The following GABRA4 variants were observed in gnomAD, a reference collection of about 807,000 sequenced individuals.
GABRA4 encodes the protein gamma-aminobutyric acid receptor subunit alpha-4.
GABRA4 carries 12 observed loss-of-function variants against 49.7 expected under a neutral mutation model. The observed-to-expected ratio is 0.24, with a 90% CI of 0.15 to 0.39. GABRA4 has a LOEUF of 0.39. Among genes scored for constraint, GABRA4 ranks in the 10% least tolerant of loss-of-function variants. GABRA4 has a pLI of 1.00. For synonymous variants in GABRA4, 288 were observed against 240.2 expected (o/e 1.20, Z -1.84); for missense variants, 506 against 686.0 (o/e 0.74, Z 2.93).
chr4:46,943,395 CT>C (rs1721881745), intron 8 of GABRA4, among the ~76,000 whole-genome samples: 1 of 152,104 alleles, frequency 6.6e-6, no homozygotes, highest in Non-Finnish European at 1.5e-5. Context: ...CATTTTTCAC[CT>C]GGCTATTGCA....
chr4:46,952,007 G>A (rs1440038662), intron 8 of GABRA4, among the ~76,000 whole-genome samples: 1 of 151,948 alleles, frequency 6.6e-6, no homozygotes, highest in Non-Finnish European at 1.5e-5. Flanking sequence ...GCAATTAAAA[G>A]TATTTATTTT....
chr4:46,940,174 C>G (rs768979647), intron 8 of GABRA4, among the ~76,000 whole-genome samples: 5 of 152,040 alleles, frequency 3.3e-5, no homozygotes, highest in Non-Finnish European at 7.4e-5. Context: ...TATTCCCTAT[C>G]TTTCTTCCAC....
intron 7 of GABRA4, 57 bp downstream of exon 7, chr4:46,971,026 G>A: frequency 6.7e-7 from 1 of 1,501,562 alleles, no homozygotes; most frequent in Non-Finnish European, 9.1e-7. Flanking sequence ...AATATCCCAT[G>A]AATCATGAAT....
chr4:46,972,258 T>G (rs1482654510), intron 6 of GABRA4, among the ~76,000 whole-genome samples: 1 of 151,554 alleles, frequency 6.6e-6, no homozygotes, highest in Non-Finnish European at 1.5e-5. Context: ...TAATGGAAAT[T>G]TAGGAGAGAG....
rs1721144165 is a variant in GABRA4 at position 46,924,584 on chromosome 4, A to G, written c.*3641T>C. On this transcript the variant is annotated 3_prime_UTR_variant, in exon 9 of 9. Coordinates refer to ENST00000264318, the MANE Select transcript of GABRA4 (RefSeq NM_000809.4). ...AAATCCCAGAAAAGAGAAATAGCCAATATTCTACTGTCTTTAAAGAATACA... is the reference window on the plus strand; with the variant it reads ...AAATCCCAGAAAAGAGAAATAGCCAGTATTCTACTGTCTTTAAAGAATACA... 6.6e-6 allele frequency: 1 copy of G among 152,116 alleles called. No individual in the cohort carries two copies. The highest frequency in any genetic ancestry group is 2.4e-5 in the African/African-American group (1 of 41,462). 9.4% of individuals were successfully genotyped at this position (152,116 alleles called of 1,614,324 possible).
At chr4:46,970,414 A>G (rs1231933005) in intron 7 of GABRA4, among the ~76,000 whole-genome samples, 2 of 151,528 alleles carry the variant, frequency 1.3e-5, no homozygotes, top group African/African-American at 4.8e-5. Flanking sequence ...AATTATAACA[A>G]ATTATACTAT....
chr4:46,934,676 C>T (rs1721548007), intron 8 of GABRA4, among the ~76,000 whole-genome samples: 1 of 151,966 alleles, frequency 6.6e-6, no homozygotes, highest in South Asian at 2.1e-4. Flanking sequence ...ATTCATTTTC[C>T]CTTTATATAT....
intron 8 of GABRA4, among the ~76,000 whole-genome samples, chr4:46,938,181 G>A (rs896445391): frequency 6.6e-6 from 1 of 152,022 alleles, no homozygotes; most frequent in Non-Finnish European, 1.5e-5. Context: ...CACCTTTACA[G>A]CATCCACATT....
chr4:46,988,745 A>G (rs1287055942), intron 2 of GABRA4, among the ~76,000 whole-genome samples: 1 of 152,228 alleles, frequency 6.6e-6, no homozygotes, highest in Non-Finnish European at 1.5e-5. Context: ...TTAACTTAGT[A>G]GCAAGAAGGT....
Position 46,971,156 on chromosome 4 carries a change from G to A in GABRA4, c.801C>T (p.Cys267=). 1.9e-6 allele frequency: 3 copies of A among 1,608,976 alleles called. No homozygotes were observed. The highest frequency in any genetic ancestry group is 2.6e-6 in the Non-Finnish European group (3 of 1,176,410). The stretch of plus-strand genomic sequence containing the variant: ...CTTGAGAAAGAATCACTGTCATAAT[G>A]CACGGAATATAGGTCTGAATCATAA... ...GYFMIQTYIP[C]IMTVILSQVS... is the part of the protein sequence containing the mutation. Residue 267 remains cysteine (C), a synonymous_variant, in exon 7 of 9, where the codon TGC becomes TGT. Coordinates refer to ENST00000264318, the MANE Select transcript of GABRA4 (RefSeq NM_000809.4).
intron 5 of GABRA4, among the ~76,000 whole-genome samples, chr4:46,975,755 A>G (rs923588098): frequency 6.6e-6 from 1 of 151,926 alleles, no homozygotes. Context: ...CTTCCTCTAC[A>G]TGAGAACTAA....
rs535642773 is a variant in GABRA4, at chr4:46,937,470, C to T, written c.1135-8715G>A. Among the ~76,000 whole-genome samples the T allele has an allele frequency of 1.3e-3, 192 of 152,302 alleles. 3 individuals are homozygous for T. Among genetic ancestry groups the T allele is most frequent in the Admixed American group, 0.012 (189 of 15,278 alleles). ...AAAAAAACCACCTCAACGTATCACTCTTTCTTCTTTCAGGTATTTTCTTTG... is the reference window on the plus strand; with the variant it reads ...AAAAAAACCACCTCAACGTATCACTTTTTCTTCTTTCAGGTATTTTCTTTG... On this transcript the variant is annotated intron_variant, in intron 8 of 8. Coordinates refer to ENST00000264318, the MANE Select transcript of GABRA4 (RefSeq NM_000809.4).
At chr4:46,965,602 C>T (rs547595646) in intron 7 of GABRA4, among the ~76,000 whole-genome samples, 3 of 151,718 alleles carry the variant, frequency 2.0e-5, no homozygotes, top group African/African-American at 7.3e-5. Flanking sequence ...ACACACCCAA[C>T]GGACTCAACA....
chr4:46,987,738 G>T (rs1367275355), intron 2 of GABRA4, among the ~76,000 whole-genome samples: 10 of 152,002 alleles, frequency 6.6e-5, no homozygotes, highest in Non-Finnish European at 2.9e-5. Flanking sequence ...GAGAACTAAA[G>T]CTGAAGTAAC....
At chr4:46,971,277 G>T in intron 6 of GABRA4, 42 bp from the exon 7 acceptor site, 1 of 1,582,242 alleles carries the variant, frequency 6.3e-7, no homozygotes, top group South Asian at 1.1e-5. Context: ...CGGTTCTGCA[G>T]GCAATTAGTC....
At position 46,924,863 on chromosome 4, in the gene GABRA4, C is replaced by T. The variant is rs542543943; in HGVS notation, c.*3362G>A. On this transcript the variant is annotated 3_prime_UTR_variant, in exon 9 of 9. Coordinates refer to ENST00000264318, the MANE Select transcript of GABRA4 (RefSeq NM_000809.4). Reference sequence around the variant, plus strand: ...TCTTAGATATTACATAATCCACCTCCTCCCTGTTATAAATGAGGAATCAGT... The same window carrying T: ...TCTTAGATATTACATAATCCACCTCTTCCCTGTTATAAATGAGGAATCAGT... 3.9e-5 allele frequency: 6 copies of T among 152,078 alleles called. No homozygotes were observed. In the East Asian group the frequency reaches 1.2e-3, roughly 29 times the overall value. The allele number at this position is 152,078 out of a possible 1,614,324, so 9.4% of individuals were successfully genotyped here. A position where few individuals can be genotyped will look rare whatever the true frequency, so the allele number is the denominator to read the frequency against.
rs574991518 is a variant in GABRA4 at position 46,957,789 on chromosome 4, C to G, written c.1134+7181G>C. Among the ~76,000 whole-genome samples the G allele has an allele frequency of 2.0e-5, 3 of 151,848 alleles. No homozygotes were observed. In the East Asian group the frequency reaches 5.8e-4, roughly 30 times the overall value. On this transcript the variant is annotated intron_variant, in intron 8 of 8. Coordinates refer to ENST00000264318, the MANE Select transcript of GABRA4 (RefSeq NM_000809.4). Reference sequence around the variant, plus strand: ...CCCTGCCACTTACTAGATAGGTGACCTTGGGAAGATTATTTGATCATTAAC... The same window carrying G: ...CCCTGCCACTTACTAGATAGGTGACGTTGGGAAGATTATTTGATCATTAAC...
intron 7 of GABRA4, among the ~76,000 whole-genome samples, chr4:46,969,603 G>A (rs1171944228): frequency 2.0e-5 from 3 of 151,506 alleles, no homozygotes; most frequent in African/African-American, 4.8e-5. Context: ...ATCTTCCTTA[G>A]ATAAGAGAAG....
At chr4:46,930,505 CAT>C (rs752591992) in intron 8 of GABRA4, among the ~76,000 whole-genome samples, 8 of 151,762 alleles carry the variant, frequency 5.3e-5, no homozygotes, top group Non-Finnish European at 1.2e-4. Flanking sequence ...TACATACACA[CAT>C]GATACAATAA....
Sources: gnomAD v4.1 joint callset for allele counts (sites outside exome capture counted in the v4.1 genomes callset) on GRCh38, gnomAD v4.1.1 for gene constraint, MANE v1.5 for transcripts, NCBI Gene and HGNC (gene_info 2026-07-23, HGNC 2026-07-21) for gene names.